EXD1: variants seen among roughly 807,000 people sequenced by gnomAD.
EXD1 encodes the protein piRNA biogenesis protein EXD1.
EXD1 carries 63 observed loss-of-function variants against 49.1 expected under a neutral mutation model. The ratio of observed to expected loss-of-function variants is 1.28; its 90% CI spans 1.05 to 1.58. The LOEUF (loss-of-function observed/expected upper bound fraction) is 1.58, where lower values mean the gene tolerates loss of function less well. Among genes scored for constraint, EXD1 ranks in the 40% most tolerant of loss-of-function variants. The pLI, the probability that EXD1 is intolerant of heterozygous loss-of-function variation, is 0.00. For missense variants in EXD1, 748 were observed against 666.0 expected (o/e 1.12, Z -1.36); for synonymous variants, 234 against 239.2 (o/e 0.98, Z 0.20).
At chr15:41,217,867 TG>T (rs2047025244) in intron 3 of EXD1, among the ~76,000 whole-genome samples, 1 of 152,162 alleles carries the variant, frequency 6.6e-6, no homozygotes, top group South Asian at 2.1e-4. Context: ...AAAGCCTCTA[TG>T]TTTCAAAAGT....
In EXD1 at chr15:41,209,527, G is replaced by C. The variant is rs144824409; in HGVS notation, c.508C>G (p.Arg170Gly). The C allele has an allele frequency of 6.2e-7, 1 of 1,614,090 alleles. No homozygotes were observed. Among genetic ancestry groups the C allele is most frequent in the East Asian group, 2.2e-5 (1 of 44,888 alleles). Residue 170 changes from arginine to glycine, a missense_variant, in exon 7 of 12, where the codon CGC becomes GGC. Transcript: ENST00000458580. ...SVAAEGANVC[R>G]HGKLCWLQVA... ...TGCAGCCAGCACAGTTTGCCATGGC[G>C]ACATACATTCGCTCCTTCTGCTGCC...
chr15:41,192,594 ATTTTTTTTTTTTTTT>A (rs59054803), intron 9 of EXD1, among the ~76,000 whole-genome samples: 10 of 40,838 alleles, frequency 2.4e-4, no homozygotes, highest in East Asian at 8.9e-4. Context: ...TGCGCCAGGC[ATTTTTTTTTTTTTTT>A]TTTTTTTTTT....
chr15:41,191,693 C>T lies in EXD1; in HGVS notation c.721-108G>A, dbSNP rs1046781318. ...TCTAAATAACATTTTCCCCAAGGACCCACACGATAGACCATGTCATCGGAA... is the reference window on the plus strand; with the variant it reads ...TCTAAATAACATTTTCCCCAAGGACTCACACGATAGACCATGTCATCGGAA... On this transcript the variant is annotated intron_variant, in intron 9 of 11. Coordinates refer to ENST00000458580, the MANE Select transcript of EXD1 (RefSeq NM_001286441.2). The T allele has an allele frequency of 1.5e-5, 16 of 1,065,064 alleles. No individual in the cohort carries two copies. In the Admixed American group the frequency reaches 2.0e-4, roughly 13 times the overall value. The allele number at this position is 1,065,064 out of a possible 1,614,324, so 66.0% of individuals were successfully genotyped here.
chr15:41,221,174 A>T (rs2047083159), intron 2 of EXD1, among the ~76,000 whole-genome samples: 2 of 152,176 alleles, frequency 1.3e-5, no homozygotes, highest in South Asian at 4.1e-4. Flanking sequence ...ATTATGGAGG[A>T]CTCTGAGGCT....
intron 7 of EXD1, among the ~76,000 whole-genome samples, chr15:41,202,697 C>A (rs573075024): frequency 3.3e-5 from 5 of 152,150 alleles, no homozygotes; most frequent in African/African-American, 1.2e-4. Context: ...CAACTCCTGG[C>A]TTCAAGCAAT....
rs761118111 is a variant in EXD1, at chr15:41,191,441, C to A, written c.864+1G>T. 1 of 1,570,564 alleles carries A rather than the reference C, an allele frequency of 6.4e-7. No individual in the cohort carries two copies. Among genetic ancestry groups the A allele is most frequent in the Non-Finnish European group, 8.7e-7 (1 of 1,148,326 alleles). On this transcript the variant is annotated splice_donor_variant, in intron 10 of 11. Coordinates refer to ENST00000458580, the MANE Select transcript of EXD1 (RefSeq NM_001286441.2). LOFTEE classifies it high-confidence loss of function. ...TCATACAGGACATCCTTTACACCCA[C>A]CTGAATTAGTTTTTGTCTCTTTTCT...
At chr15:41,192,546 T>C (rs917928155) in intron 9 of EXD1, among the ~76,000 whole-genome samples, 12 of 147,790 alleles carry the variant, frequency 8.1e-5, no homozygotes, top group African/African-American at 3.0e-4. Flanking sequence ...CCGCCCGCCT[T>C]GGGCTCCCGA....
chr15:41,230,306 C>T (rs555283885), intron 1 of EXD1, among the ~76,000 whole-genome samples, 173 bp downstream of exon 1: 2 of 152,088 alleles, frequency 1.3e-5, no homozygotes, highest in East Asian at 3.9e-4. Flanking sequence ...TGGTCTCGAA[C>T]TCACGACCTC....
chr15:41,190,432 G>C (rs1355617323), intron 10 of EXD1: 1 of 344,778 alleles, frequency 2.9e-6, no homozygotes, highest in African/African-American at 2.1e-5. Context: ...AGTAAGCTGA[G>C]ATTGCGCCAC....
chr15:41,204,247 C>CA (rs773719149), intron 7 of EXD1, among the ~76,000 whole-genome samples: 5,604 of 75,990 alleles, frequency 0.074, 525 homozygotes, highest in African/African-American at 0.22. Flanking sequence ...GACTCTGTCT[C>CA]AAAAAAAAAA....
chr15:41,195,881 T>G (rs761874546), intron 8 of EXD1, 26 bp from the exon 9 acceptor site: 1 of 1,610,978 alleles, frequency 6.2e-7, no homozygotes, highest in Non-Finnish European at 8.5e-7. Context: ...GAAACAGTCA[T>G]TAGAACCTGG....
intron 7 of EXD1, among the ~76,000 whole-genome samples, chr15:41,201,068 T>C (rs552974205): frequency 1.3e-5 from 2 of 152,104 alleles, no homozygotes; most frequent in East Asian, 3.9e-4. Context: ...GAGACAGGGT[T>C]TCACCATGTT....
At chr15:41,189,868 G>A (rs1188381830) in intron 11 of EXD1, 69 bp downstream of exon 11, 2 of 1,479,292 alleles carry the variant, frequency 1.4e-6, no homozygotes, top group Non-Finnish European at 1.9e-6. Flanking sequence ...TATGAAGAAA[G>A]GGTATCACTG....
rs895736459 is a variant in EXD1 at position 41,215,664 on chromosome 15, C to T, written c.447+111G>A. 21 of 1,107,912 alleles carry T rather than the reference C, an allele frequency of 1.9e-5. No individual in the cohort carries two copies. In the African/African-American group the frequency reaches 2.5e-4, roughly 13 times the overall value. 68.6% of individuals were successfully genotyped at this position (1,107,912 alleles called of 1,614,324 possible). A position where few individuals can be genotyped will look rare whatever the true frequency, so the allele number is the denominator to read the frequency against. ...TTGGTCCACTGCACTCCAACCTGGGCGATAGAGCAAGACTCCGTCTCAAAA... is the reference window on the plus strand; with the variant it reads ...TTGGTCCACTGCACTCCAACCTGGGTGATAGAGCAAGACTCCGTCTCAAAA... On this transcript the variant is annotated intron_variant, in intron 6 of 11. Transcript: ENST00000458580.
At chr15:41,186,469 T>TGAAAAAAAAAAAA (rs1337231793) in intron 11 of EXD1, among the ~76,000 whole-genome samples, 1 of 21,294 alleles carries the variant, frequency 4.7e-5, no homozygotes, top group South Asian at 1.8e-3. Flanking sequence ...AGACTCTGTC[T>TGAAAAAAAAAAAA]CAAAAAAAAA....
intron 2 of EXD1, 55 bp downstream of exon 2, chr15:41,226,388 A>C (rs2047164860): frequency 1.3e-6 from 2 of 1,505,326 alleles, no homozygotes; most frequent in African/African-American, 2.8e-5. Flanking sequence ...GAGCCCACTG[A>C]AAGTCAATCA....
In EXD1 at chr15:41,184,138, C is replaced by A. The variant is rs756077141; in HGVS notation, c.1512G>T (p.Glu504Asp). ...TTTCCACCATCAATAACTGTTCTGT[C>A]TCCTCTTTCAAAGATAAACTTGCCT... is the stretch of plus-strand genomic sequence containing the variant. ...EFQASLSLKE[E>D]TEQLLMVENK... Residue 504 changes from glutamate (E) to aspartate (D), a missense_variant, in exon 12 of 12, where the codon GAG (glutamate) becomes GAT (aspartate). Transcript: ENST00000458580. 3.5e-5 allele frequency: 56 copies of A among 1,614,038 alleles called. No individual in the cohort carries two copies. The Admixed American group carries it at 8.8e-4, about 25-fold the overall frequency.
At chr15:41,206,479 A>G (rs2140871046) in intron 7 of EXD1, among the ~76,000 whole-genome samples, 1 of 149,810 alleles carries the variant, frequency 6.7e-6, no homozygotes, top group South Asian at 2.1e-4. Flanking sequence ...GTCTCGAAAA[A>G]AAAAAAAAAA....
At chr15:41,203,257 C>T (rs1435338083) in intron 7 of EXD1, among the ~76,000 whole-genome samples, 1 of 152,020 alleles carries the variant, frequency 6.6e-6, no homozygotes, top group African/African-American at 2.4e-5. Context: ...CCAAGTAATC[C>T]TCCCCCATTC....
Sources: gnomAD v4.1 joint callset for allele counts (sites outside exome capture counted in the v4.1 genomes callset) on GRCh38, gnomAD v4.1.1 for gene constraint, MANE v1.5 for transcripts, NCBI Gene and HGNC (gene_info 2026-07-23, HGNC 2026-07-21) for gene names.